GAD1: variants seen among roughly 807,000 people sequenced by gnomAD.
GAD1 encodes the protein glutamate decarboxylase 1.
Under a neutral mutation model 75.2 loss-of-function variants are expected in GAD1, and 35 were observed. The observed-to-expected ratio is 0.47, with a 90% CI of 0.36 to 0.62. GAD1 has a LOEUF of 0.62. GAD1 is among the 20% of genes least tolerant of loss of function. The probability of loss-of-function intolerance (pLI) is 0.00; values close to 1 mark genes in which losing one functional copy is unlikely to be tolerated. For missense variants in GAD1, 490 were observed against 758.5 expected (o/e 0.65, Z 4.16); for synonymous variants, 257 against 271.9 (o/e 0.95, Z 0.54).
At chr2:170,819,248 G>T (rs1484139618) in intron 2 of GAD1, among the ~76,000 whole-genome samples, 1 of 151,992 alleles carries the variant, frequency 6.6e-6, no homozygotes, top group Non-Finnish European at 1.5e-5. Flanking sequence ...GCATAAAACT[G>T]AGACTGAGCC....
intron 14 of GAD1, among the ~76,000 whole-genome samples, chr2:170,855,725 T>G (rs1702837381): frequency 6.6e-6 from 1 of 151,556 alleles, no homozygotes; most frequent in Non-Finnish European, 1.5e-5. Flanking sequence ...AAATACAAGT[T>G]AGTCAGGTGT....
Position 170,827,456 on chromosome 2 carries a change from G to A in GAD1, c.146-2019G>A, listed in dbSNP as rs114113488. 4.0e-3 allele frequency among the ~76,000 whole-genome samples: 606 copies of A among 152,382 alleles called. 7 individuals are homozygous for A. The highest frequency in any genetic ancestry group is 0.014 in the African/African-American group (566 of 41,594). On this transcript the variant is annotated intron_variant, in intron 3 of 16. Transcript: ENST00000358196. ...GGAGAAGCCAAAGGAAAGAGCAGAC[G>A]TGCGGGCCAGGAGCCCCACAGGGGA...
At chr2:170,850,962 C>T (rs976967317) in intron 12 of GAD1, among the ~76,000 whole-genome samples, 1 of 151,556 alleles carries the variant, frequency 6.6e-6, no homozygotes, top group African/African-American at 2.4e-5. Flanking sequence ...TTCAGTGAAC[C>T]GAGATCACGC....
intron 9 of GAD1, 93 bp downstream of exon 9, chr2:170,845,878 C>T: frequency 6.9e-7 from 1 of 1,445,790 alleles, no homozygotes; most frequent in East Asian, 2.3e-5. Flanking sequence ...TGGCTCAGTA[C>T]ATTGTGCCAA....
intron 5 of GAD1, among the ~76,000 whole-genome samples, chr2:170,835,342 ACTTTG>A (rs1702345019): frequency 6.6e-6 from 1 of 152,068 alleles, no homozygotes; most frequent in Non-Finnish European, 1.5e-5. Context: ...TTGTAGGAAA[ACTTTG>A]CTTTAAAAAA....
At chr2:170,841,276 C>T (rs1237398004) in intron 6 of GAD1, among the ~76,000 whole-genome samples, 2 of 152,182 alleles carry the variant, frequency 1.3e-5, no homozygotes, top group East Asian at 3.9e-4. Context: ...CAGTACCCAA[C>T]CTGGAATCTA....
At chr2:170,842,709 C>T in intron 6 of GAD1, 1 of 1,609,564 alleles carries the variant, frequency 6.2e-7, no homozygotes, top group Admixed American at 1.7e-5. Context: ...AGGGGCCTCC[C>T]AAGGAAAATG....
At chr2:170,830,564 C>T (rs1395018893) in intron 4 of GAD1, among the ~76,000 whole-genome samples, 1 of 152,240 alleles carries the variant, frequency 6.6e-6, no homozygotes, top group Non-Finnish European at 1.5e-5. Flanking sequence ...ACAGACCAAG[C>T]ACATCACAAC....
chr2:170,818,487 C>T lies in GAD1; in HGVS notation c.-63-42C>T, dbSNP rs1701772965. On this transcript the variant is annotated intron_variant, in intron 1 of 16. Coordinates refer to ENST00000358196, the MANE Select transcript of GAD1 (RefSeq NM_000817.3). This position sits in a 1 kb window ranked among gnomAD's most constrained non-coding sequence, Gnocchi z 5.9. The stretch of plus-strand genomic sequence containing the variant: ...TGCTCAGTCCCTCCGGTGTGCAGGA[C>T]CCCGGAAGTCCTCCCCGCACAGCTC... 2.8e-6 allele frequency: 3 copies of T among 1,053,998 alleles called. No homozygotes were observed. In the South Asian group the frequency reaches 3.8e-5, roughly 13 times the overall value. 65.3% of individuals were successfully genotyped at this position (1,053,998 alleles called of 1,614,324 possible).
chr2:170,856,040 G>C (rs750371113), intron 14 of GAD1, among the ~76,000 whole-genome samples: 2 of 152,070 alleles, frequency 1.3e-5, no homozygotes, highest in Admixed American at 1.3e-4. Flanking sequence ...CATAGTGATT[G>C]GTTGCTGAAA....
chr2:170,845,190 C>T, intron 7 of GAD1: 1 of 431,546 alleles, frequency 2.3e-6, no homozygotes, highest in Non-Finnish European at 4.3e-6. Context: ...TATAACTCAC[C>T]TATCCCTTTG....
chr2:170,815,825 G>C (rs956215086), upstream of GAD1, among the ~76,000 whole-genome samples: 3 of 152,264 alleles, frequency 2.0e-5, no homozygotes, highest in African/African-American at 7.2e-5. Context: ...CTGGCCAGCA[G>C]CTCCAGGTGT....
chr2:170,849,605 T>G (rs949344866), intron 12 of GAD1, among the ~76,000 whole-genome samples: 2 of 152,086 alleles, frequency 1.3e-5, no homozygotes, highest in African/African-American at 4.8e-5. Flanking sequence ...TCCCAAAAAT[T>G]TAGGAGGCCG....
At chr2:170,838,616 T>C (rs2105789970) in intron 6 of GAD1, among the ~76,000 whole-genome samples, 1 of 152,196 alleles carries the variant, frequency 6.6e-6, no homozygotes, top group East Asian at 1.9e-4. Flanking sequence ...CTCAGCTGCT[T>C]TTTCCATGTA....
intron 6 of GAD1, among the ~76,000 whole-genome samples, chr2:170,840,658 A>AAGGGAGGTAGGGACGGGAGGGAGGG (rs1553578766): frequency 1.3e-5 from 1 of 77,320 alleles, no homozygotes; most frequent in African/African-American, 4.4e-5. Context: ...GGAGGTAGGG[A>AAGGGAGGTAGGGACGGGAGGGAGGG]AGGGAGGGAG....
rs1702306557 is a variant in GAD1 at position 170,834,015 on chromosome 2, AGAG to A, written c.548-2777_548-2775del. Among the ~76,000 whole-genome samples, 6 of 144,250 alleles carry A rather than the reference AGAG, an allele frequency of 4.2e-5. No individual in the cohort carries two copies. The South Asian group carries it at 6.5e-4, about 16-fold the overall frequency. The allele number at this position is 144,250 out of a possible 152,430, so 94.6% of individuals were successfully genotyped here. A position where few individuals can be genotyped will look rare whatever the true frequency, so the allele number is the denominator to read the frequency against. On this transcript the variant is annotated intron_variant, in intron 5 of 16. Transcript: ENST00000358196. ...GACCCTGTTTCAAAAAAAAAAAAAG[AGAG>A]AGAGAGAGAGAAAGCATTGACTTTC...
At chr2:170,848,833 T>G (rs754945694) in intron 11 of GAD1, 1 of 519,260 alleles carries the variant, frequency 1.9e-6, no homozygotes, top group East Asian at 5.4e-5. Flanking sequence ...TAAGTTGTTG[T>G]GAGACCTCCA....
upstream of GAD1, among the ~76,000 whole-genome samples, chr2:170,815,862 G>A (rs1462184037): frequency 6.6e-6 from 1 of 152,236 alleles, no homozygotes; most frequent in East Asian, 1.9e-4. Context: ...CTGGCGGAGA[G>A]ACCCGGGAGC....
chr2:170,819,260 T>C (rs1356501774), intron 2 of GAD1, among the ~76,000 whole-genome samples: 1 of 151,104 alleles, frequency 6.6e-6, no homozygotes, highest in Non-Finnish European at 1.5e-5. Context: ...GACTGAGCCT[T>C]GACATTTCAT....
Sources: allele counts gnomAD v4.1 joint callset (sites outside exome capture counted in the v4.1 genomes callset), GRCh38; gene constraint gnomAD v4.1.1; non-coding constraint Gnocchi (gnomAD v3.1); transcripts MANE v1.5; gene names NCBI Gene and HGNC (gene_info 2026-07-23, HGNC 2026-07-21).